NPY2R: variants seen among roughly 807,000 people sequenced by gnomAD.
The protein encoded by NPY2R is neuropeptide Y receptor Y2.
A neutral mutation model predicts 22.3 loss-of-function variants in NPY2R; 17 were observed. The ratio of observed to expected loss-of-function variants is 0.76; its 90% confidence interval spans 0.52 to 1.14. The LOEUF (loss-of-function observed/expected upper bound fraction) is 1.14, where lower values mean the gene tolerates loss of function less well. Among genes scored for constraint, NPY2R ranks in the 50% most tolerant of loss-of-function variants. The probability of loss-of-function intolerance (pLI) is 0.00; values close to 1 mark genes in which losing one functional copy is unlikely to be tolerated. For synonymous variants in NPY2R, 209 were observed against 183.4 expected (o/e 1.14, Z -1.13); for missense variants, 424 against 467.9 (o/e 0.91, Z 0.87).
chr4:155,193,530 A>T, the NPY2R span, among the ~76,000 whole-genome samples: 3 of 151,920 alleles, frequency 2.0e-5, no homozygotes, highest in Non-Finnish European at 4.4e-5. Flanking sequence ...AGGGAAATCT[A>T]CTTTCCTTAG....
chr4:155,205,820 T>G (rs1330479537), upstream of NPY2R, among the ~76,000 whole-genome samples: 1 of 151,784 alleles, frequency 6.6e-6, no homozygotes, highest in Non-Finnish European at 1.5e-5. Context: ...TATCTATCTA[T>G]CTATCTATCT....
At chr4:155,185,044 A>ATATATATTT in the NPY2R span, among the ~76,000 whole-genome samples, 2 of 140,616 alleles carry the variant, frequency 1.4e-5, no homozygotes, top group African/African-American at 5.1e-5. Flanking sequence ...ATATATATAT[A>ATATATATTT]TTTTTTTTTT....
rs1022105708 is a variant in NPY2R at position 155,216,922 on chromosome 4, A to G, written c.*1837A>G. The G allele has an allele frequency of 6.0e-6, 1 of 167,102 alleles. No individual in the cohort carries two copies. The highest frequency in any genetic ancestry group is 1.5e-5 in the Non-Finnish European group (1 of 68,124). 10.4% of individuals were successfully genotyped at this position (167,102 alleles called of 1,614,324 possible). ...TGAATTATTACACTGTAAGAAATGTATATGCTACTGTGTTACATGTTGTAT... is the reference window on the plus strand; with the variant it reads ...TGAATTATTACACTGTAAGAAATGTGTATGCTACTGTGTTACATGTTGTAT... On this transcript the variant is annotated 3_prime_UTR_variant, in exon 2 of 2. Coordinates refer to ENST00000329476, the MANE Select transcript of NPY2R (RefSeq NM_000910.4).
the NPY2R span, among the ~76,000 whole-genome samples, chr4:155,176,093 C>A: frequency 1.3e-5 from 2 of 152,218 alleles, no homozygotes; most frequent in Non-Finnish European, 2.9e-5. Flanking sequence ...CACATCCAGA[C>A]AATGAGATGT....
chr4:155,206,407 T>C (rs1729285135), upstream of NPY2R: 1 of 152,250 alleles, frequency 6.6e-6, no homozygotes, highest in Non-Finnish European at 1.5e-5. Flanking sequence ...ATACACAGGA[T>C]ATGTATGCAC....
Position 155,208,686 on chromosome 4 carries a change from C to CT in NPY2R, c.-432_-431insT, listed in dbSNP as rs1281854847. On this transcript the variant is annotated 5_prime_UTR_variant, in exon 1 of 2. Transcript: ENST00000329476. The surrounding 1 kb of genome is among the most constrained non-coding windows in gnomAD (Gnocchi z 5.6). ...TCCCTCGCCACCAAAACTTCTCCTC[C>CT]AGTCCCCTCCCCTGCAGGACCATCG... 2.0e-5 allele frequency: 3 copies of CT among 153,230 alleles called. No individual in the cohort carries two copies. Among genetic ancestry groups the CT allele is most frequent in the Non-Finnish European group, 4.4e-5 (3 of 68,830 alleles). The allele number at this position is 153,230 out of a possible 1,614,324, so 9.5% of individuals were successfully genotyped here.
In NPY2R at chr4:155,215,436, A is replaced by T. The variant is rs1729495776; in HGVS notation, c.*351A>T. 2 of 382,882 alleles carry T rather than the reference A, an allele frequency of 5.2e-6. No homozygotes were observed. Among genetic ancestry groups the T allele is most frequent in the Non-Finnish European group, 1.0e-5 (2 of 192,148 alleles). The allele number at this position is 382,882 out of a possible 1,614,324, so 23.7% of individuals were successfully genotyped here. On this transcript the variant is annotated 3_prime_UTR_variant, in exon 2 of 2. Transcript: ENST00000329476. The stretch of plus-strand genomic sequence containing the variant: ...TGAGAGACGGTGGGAAAATAAGTTG[A>T]CTTTCAAATCACGTTAGGACCTGGA...
chr4:155,214,398 C>G lies in NPY2R; in HGVS notation c.459C>G (p.Val153=), dbSNP rs1369149233. ...VIALDRHRCI[V]YHLESKISKR... ...CCCTGGACCGGCACAGGTGCATCGT[C>G]TACCACCTAGAGAGCAAGATCTCCA... Residue 153 remains valine, a synonymous_variant, in exon 2 of 2, where the codon GTC becomes GTG. Transcript: ENST00000329476. The G allele has an allele frequency of 6.2e-7, 1 of 1,614,152 alleles. No individual in the cohort carries two copies. Among genetic ancestry groups the G allele is most frequent in the Non-Finnish European group, 8.5e-7 (1 of 1,180,032 alleles).
chr4:155,187,403 C>T, the NPY2R span, among the ~76,000 whole-genome samples: 1 of 152,114 alleles, frequency 6.6e-6, no homozygotes, highest in Admixed American at 6.6e-5. Flanking sequence ...TGGTCATTGT[C>T]GCCGTTATTG....
the NPY2R span, among the ~76,000 whole-genome samples, chr4:155,182,821 C>T: frequency 1.3e-5 from 2 of 152,026 alleles, no homozygotes; most frequent in African/African-American, 4.8e-5. Context: ...GAGATGGAGT[C>T]TCGCTGTTTC....
upstream of NPY2R, among the ~76,000 whole-genome samples, chr4:155,205,953 T>A (rs1729276635): frequency 6.6e-6 from 1 of 152,206 alleles, no homozygotes; most frequent in South Asian, 2.1e-4. Flanking sequence ...ACAATATGGA[T>A]TTTGCTTCTC....
At chr4:155,205,847 A>ATCTG (rs1352679055), upstream of NPY2R, among the ~76,000 whole-genome samples, 1 of 151,362 alleles carries the variant, frequency 6.6e-6, no homozygotes, top group African/African-American at 2.4e-5. Context: ...CTATCTATCT[A>ATCTG]TCTATCTATG....
chr4:155,178,667 AT>A, the NPY2R span, among the ~76,000 whole-genome samples: 3 of 152,212 alleles, frequency 2.0e-5, no homozygotes, highest in Non-Finnish European at 2.9e-5. Flanking sequence ...TTTGAAACTT[AT>A]TTGAAGCATA....
At chr4:155,175,497 T>C in the NPY2R span, among the ~76,000 whole-genome samples, 1 of 152,186 alleles carries the variant, frequency 6.6e-6, no homozygotes, top group Non-Finnish European at 1.5e-5. Context: ...TCTTTAGTCC[T>C]GTTTTTCTTG....
chr4:155,197,073 G>A, the NPY2R span, among the ~76,000 whole-genome samples: 1 of 151,758 alleles, frequency 6.6e-6, no homozygotes, highest in Non-Finnish European at 1.5e-5. Context: ...AAAGAAAGAT[G>A]AAGAAAGAAT....
At chr4:155,177,372 A>T in the NPY2R span, among the ~76,000 whole-genome samples, 3 of 152,342 alleles carry the variant, frequency 2.0e-5, no homozygotes, top group East Asian at 5.8e-4. Flanking sequence ...AGCCAGAAGA[A>T]AGGGCTAATG....
chr4:155,215,125 A>G lies in NPY2R; in HGVS notation c.*40A>G, dbSNP rs1452493171. On this transcript the variant is annotated 3_prime_UTR_variant, in exon 2 of 2. Transcript: ENST00000329476. ...GAAAATGTATGGATGAATTCTGACC[A>G]GAGCTATGAATCTGGTTGATGGCGG... is the stretch of plus-strand genomic sequence containing the variant. 6.4e-7 allele frequency: 1 copy of G among 1,571,668 alleles called. No homozygotes were observed. The highest frequency in any genetic ancestry group is 1.1e-5 in the South Asian group (1 of 90,236).
At chr4:155,195,328 A>T in the NPY2R span, among the ~76,000 whole-genome samples, 1 of 151,908 alleles carries the variant, frequency 6.6e-6, no homozygotes, top group Non-Finnish European at 1.5e-5. Flanking sequence ...TCTTAAAATT[A>T]GGTATAAATG....
At chr4:155,206,176 T>G (rs1168112086), upstream of NPY2R, among the ~76,000 whole-genome samples, 1 of 152,216 alleles carries the variant, frequency 6.6e-6, no homozygotes, top group African/African-American at 2.4e-5. Flanking sequence ...TTTGAGTCTG[T>G]TGTCTATTTG....
Sources: allele counts gnomAD v4.1 joint callset (sites outside exome capture counted in the v4.1 genomes callset), GRCh38; gene constraint gnomAD v4.1.1; non-coding constraint Gnocchi (gnomAD v3.1); transcripts MANE v1.5; gene names NCBI Gene and HGNC (gene_info 2026-07-23, HGNC 2026-07-21).